Variants in CPED1 observed in about 807,000 individuals in gnomAD.
CPED1 encodes the protein cadherin like and PC-esterase domain containing 1.
Under a neutral mutation model 128.2 loss-of-function variants are expected in CPED1, and 114 were observed. The observed-to-expected ratio is 0.89, with a 90% CI of 0.76 to 1.04. CPED1 has a LOEUF of 1.04. Ranked by LOEUF, CPED1 falls within the 50% of genes least tolerant of loss-of-function variation. CPED1 has a pLI of 0.00. For missense variants in CPED1, 1,211 were observed against 1,207.1 expected, an observed-to-expected ratio of 1.00 and a Z score of -0.05; for synonymous variants, 462 against 426.7, an observed-to-expected ratio of 1.08 and a Z score of -1.02.
chr7:121,138,738 C>T (rs10247686), intron 14 of CPED1, among the ~76,000 whole-genome samples: 4,809 of 152,076 alleles, frequency 0.032, 242 homozygotes, highest in African/African-American at 0.11. Flanking sequence ...AAAGATCTTC[C>T]TCTTTGTTAT....
At chr7:121,242,665 A>T (rs1798424282) in intron 17 of CPED1, among the ~76,000 whole-genome samples, 1 of 152,166 alleles carries the variant, frequency 6.6e-6, no homozygotes, top group African/African-American at 2.4e-5. Context: ...AATCAAAGAA[A>T]AGGAAAAAAT....
At chr7:121,065,777 A>C (rs970209379) in intron 5 of CPED1, among the ~76,000 whole-genome samples, 1 of 151,928 alleles carries the variant, frequency 6.6e-6, no homozygotes, top group Non-Finnish European at 1.5e-5. Context: ...GAGAACATCT[A>C]AGTTCTAGGC....
chr7:121,117,357 T>A (rs531722952), intron 7 of CPED1, among the ~76,000 whole-genome samples: 71 of 152,046 alleles, frequency 4.7e-4, no homozygotes, highest in African/African-American at 1.6e-3. Flanking sequence ...TGCCTCGGCC[T>A]CCCAAAGTGC....
At chr7:121,224,440 T>C (rs936060092) in intron 16 of CPED1, among the ~76,000 whole-genome samples, 3 of 152,150 alleles carry the variant, frequency 2.0e-5, no homozygotes, top group African/African-American at 7.2e-5. Context: ...ATTCTGTTGA[T>C]TTGGGGTGGA....
intron 4 of CPED1, among the ~76,000 whole-genome samples, chr7:121,061,672 C>T (rs1044153669): frequency 1.3e-5 from 2 of 152,148 alleles, no homozygotes; most frequent in East Asian, 1.9e-4. Context: ...TGGAGAAGCT[C>T]ATCATATAAA....
intron 7 of CPED1, among the ~76,000 whole-genome samples, chr7:121,119,349 T>C (rs1272913365): frequency 2.0e-5 from 3 of 150,812 alleles, no homozygotes; most frequent in East Asian, 4.0e-4. Flanking sequence ...CTTGCCTTAG[T>C]AGAAACGGGG....
chr7:121,290,979 A>G (rs890356576), intron 22 of CPED1, among the ~76,000 whole-genome samples: 2 of 152,206 alleles, frequency 1.3e-5, no homozygotes, highest in African/African-American at 2.4e-5. Flanking sequence ...TAATTCTTGT[A>G]TAAGGTGTAA....
In CPED1 at chr7:121,044,648, CTCTTTT is replaced by C. The variant is rs1352086777; in HGVS notation, c.434-2237_434-2232del. ...GATTGCTGAGAGCAGTGACTTTCTG[CTCTTTT>C]TTTTTTTTTTTTTTTGCTATTTACT... is the stretch of plus-strand genomic sequence containing the variant. On this transcript the variant is annotated intron_variant, in intron 3 of 22. Coordinates refer to ENST00000310396, the MANE Select transcript of CPED1 (RefSeq NM_024913.5). 4.3e-5 allele frequency among the ~76,000 whole-genome samples: 3 copies of C among 69,536 alleles called. No individual in the cohort carries two copies. In the East Asian group the frequency reaches 1.5e-3, roughly 34 times the overall value. The allele number at this position is 69,536 out of a possible 152,430, so 45.6% of individuals were successfully genotyped here.
intron 14 of CPED1, 88 bp downstream of exon 14, chr7:121,136,178 G>A (rs534893760): frequency 9.5e-6 from 12 of 1,264,578 alleles, no homozygotes; most frequent in South Asian, 7.5e-5. Context: ...TTTATTATAT[G>A]TGGGTATCTT....
chr7:121,203,053 A>C (rs1233482204), intron 16 of CPED1, among the ~76,000 whole-genome samples: 1 of 152,094 alleles, frequency 6.6e-6, no homozygotes, highest in Non-Finnish European at 1.5e-5. Context: ...GCCCATGATA[A>C]ATAAATATGA....
chr7:121,133,799 A>G (rs769472720), intron 12 of CPED1, 24 bp from the exon 13 acceptor site: 1 of 1,521,970 alleles, frequency 6.6e-7, no homozygotes, highest in Non-Finnish European at 9.0e-7. Flanking sequence ...ATTAATCCAG[A>G]GTTGTTTGGC....
chr7:121,024,338 G>T (rs1231599488), intron 3 of CPED1, among the ~76,000 whole-genome samples: 12 of 151,934 alleles, frequency 7.9e-5, no homozygotes, highest in Non-Finnish European at 7.4e-5. Context: ...TTTACCCTTC[G>T]CTGTGCACAG....
intron 16 of CPED1, among the ~76,000 whole-genome samples, chr7:121,213,011 A>G (rs1534015): frequency 0.61 from 92,477 of 151,694 alleles, 28,581 homozygotes; most frequent in East Asian, 0.88. Flanking sequence ...ATTTATGTAC[A>G]TGCTGGCTTA....
chr7:121,027,229 C>T (rs1207810584), intron 3 of CPED1, among the ~76,000 whole-genome samples: 3 of 152,032 alleles, frequency 2.0e-5, no homozygotes, highest in Non-Finnish European at 4.4e-5. Flanking sequence ...CCTTAGACCT[C>T]ATCACACATT....
intron 2 of CPED1, among the ~76,000 whole-genome samples, chr7:121,004,612 A>T (rs530223300): frequency 4.6e-5 from 7 of 152,146 alleles, no homozygotes; most frequent in Non-Finnish European, 1.0e-4. Context: ...ACTGGGCAGG[A>T]TGGAGGTGGG....
At chr7:121,254,579 CAG>C (rs1222729504) in intron 18 of CPED1, among the ~76,000 whole-genome samples, 2 of 151,728 alleles carry the variant, frequency 1.3e-5, no homozygotes, top group African/African-American at 4.8e-5. Context: ...CTGAACAAAA[CAG>C]AGATGTAAAA....
intron 4 of CPED1, among the ~76,000 whole-genome samples, chr7:121,062,433 T>A (rs754371256): frequency 6.6e-6 from 1 of 152,190 alleles, no homozygotes; most frequent in Non-Finnish European, 1.5e-5. Context: ...TATTAGTCCT[T>A]TTTATTAGTC....
chr7:121,134,353 C>T (rs368277960), intron 13 of CPED1, among the ~76,000 whole-genome samples: 1 of 152,022 alleles, frequency 6.6e-6, no homozygotes, highest in Non-Finnish European at 1.5e-5. Flanking sequence ...CCCATAATCT[C>T]ACTCATGTGG....
intron 18 of CPED1, among the ~76,000 whole-genome samples, chr7:121,264,263 C>T (rs1792079753): frequency 6.6e-6 from 1 of 152,020 alleles, no homozygotes; most frequent in African/African-American, 2.4e-5. Context: ...CCTAGGAAAA[C>T]AATACTAATG....
Sources: allele counts gnomAD v4.1 joint callset (sites outside exome capture counted in the v4.1 genomes callset), GRCh38; gene constraint gnomAD v4.1.1; transcripts MANE v1.5; gene names NCBI Gene and HGNC (gene_info 2026-07-23, HGNC 2026-07-21).